CHD9: variants seen among roughly 807,000 people sequenced by gnomAD.
CHD9 encodes the protein ATP-dependent chromatin remodeler CHD9.
CHD9 carries 77 observed loss-of-function variants against 316.1 expected under a neutral mutation model. The ratio of observed to expected loss-of-function variants is 0.24; its 90% confidence interval spans 0.20 to 0.29. The LOEUF is 0.29. Ranked by LOEUF, CHD9 falls within the 10% of genes least tolerant of loss-of-function variation. The probability of loss-of-function intolerance (pLI) is 1.00; values close to 1 mark genes in which losing one functional copy is unlikely to be tolerated. For synonymous variants in CHD9, 1,129 were observed against 1,158.3 expected (o/e 0.97, Z 0.51); for missense variants, 2,763 against 3,438.1 (o/e 0.80, Z 4.91).
At chr16:53,282,279 A>G (rs2053485374) in intron 24 of CHD9, among the ~76,000 whole-genome samples, 1 of 152,102 alleles carries the variant, frequency 6.6e-6, no homozygotes, top group South Asian at 2.1e-4. Context: ...CTACCATATT[A>G]TTACTCTCCT....
rs1290082349 is a variant in CHD9 at position 53,285,493 on chromosome 16, C to T, written c.4968-103C>T. 5 of 513,740 alleles carry T rather than the reference C, an allele frequency of 9.7e-6. 1 individual carries two copies. The Admixed American group carries it at 1.2e-4, about 12-fold the overall frequency. The allele number at this position is 513,740 out of a possible 1,614,324, so 31.8% of individuals were successfully genotyped here. On this transcript the variant is annotated intron_variant, in intron 24 of 38. Transcript: ENST00000447540. Reference sequence around the variant, plus strand: ...GATTAAAAAATAATGAAATCCTAAGCTCTCTCTTGAAAGCCACAGTGCTTT... The same window carrying T: ...GATTAAAAAATAATGAAATCCTAAGTTCTCTCTTGAAAGCCACAGTGCTTT...
At chr16:53,301,371 AT>A (rs1210469257) in intron 30 of CHD9, among the ~76,000 whole-genome samples, 2 of 152,200 alleles carry the variant, frequency 1.3e-5, no homozygotes, top group Middle Eastern at 3.4e-3. Context: ...TGTCTCAGTA[AT>A]TTTTTTCACA....
intron 3 of CHD9, among the ~76,000 whole-genome samples, chr16:53,214,065 ATTAAT>A (rs1169978452): frequency 6.6e-6 from 1 of 152,218 alleles, no homozygotes; most frequent in Non-Finnish European, 1.5e-5. Flanking sequence ...ACAATAAAAC[ATTAAT>A]TTAGATCTCA....
chr16:53,324,107 A>C lies in CHD9; in HGVS notation c.7906A>C (p.Ser2636Arg). The C allele has an allele frequency of 6.2e-7, 1 of 1,613,992 alleles. No individual in the cohort carries two copies. Among genetic ancestry groups the C allele is most frequent in the Admixed American group, 1.7e-5 (1 of 60,010 alleles). ...AAGCAGGCGGGGGAGACGGCCTAAA[A>C]GTGGAATTGCAAAGGCCACAGCAGC... The part of the protein sequence containing the change: ...EVSRRGRRPK[S>R]GIAKATAAAA... The change falls in exon 39 of 39, where the codon AGT (serine) becomes CGT (arginine). Residue 2636 changes from serine (S) to arginine (R), a missense_variant. This residue lies in a region of CHD9 where 298 missense variants were observed against 380.2 expected (regional missense o/e 0.78). Coordinates refer to ENST00000447540, the MANE Select transcript of CHD9 (RefSeq NM_001308319.2).
At chr16:53,179,447 C>T (rs560368220) in intron 2 of CHD9, among the ~76,000 whole-genome samples, 1 of 152,224 alleles carries the variant, frequency 6.6e-6, no homozygotes, top group African/African-American at 2.4e-5. Flanking sequence ...AACCTCCTGT[C>T]TTATACATAT....
chr16:53,213,295 A>G (rs1407298128), intron 3 of CHD9, among the ~76,000 whole-genome samples: 1 of 152,160 alleles, frequency 6.6e-6, no homozygotes, highest in Non-Finnish European at 1.5e-5. Flanking sequence ...GCAGGTGCAA[A>G]ATGAAGGGTG....
intron 16 of CHD9, chr16:53,247,980 G>A (rs2049779050): frequency 6.6e-6 from 1 of 152,642 alleles, no homozygotes; most frequent in Admixed American, 6.6e-5. Flanking sequence ...TTTCAATGTG[G>A]GTTTTTTGTT....
intron 2 of CHD9, among the ~76,000 whole-genome samples, chr16:53,164,233 T>G (rs2042116745): frequency 6.6e-6 from 1 of 152,172 alleles, no homozygotes. Flanking sequence ...TCACAATCGT[T>G]TATCTATTAG....
chr16:53,269,046 A>G (rs1158887159), intron 22 of CHD9, among the ~76,000 whole-genome samples: 1 of 151,990 alleles, frequency 6.6e-6, no homozygotes, highest in Admixed American at 6.6e-5. Flanking sequence ...AGCTCAAGCA[A>G]TCCTTCCCCC....
chr16:53,087,179 G>T (rs1482505503), intron 1 of CHD9, among the ~76,000 whole-genome samples: 1 of 152,172 alleles, frequency 6.6e-6, no homozygotes, highest in Non-Finnish European at 1.5e-5. Flanking sequence ...CTCTCTAGAA[G>T]TAGCAGGAGG....
intron 1 of CHD9, among the ~76,000 whole-genome samples, chr16:53,146,400 A>G (rs2040583681): frequency 2.0e-5 from 1 of 49,842 alleles, no homozygotes; most frequent in African/African-American, 1.0e-4. Context: ...CAAAAAAAAA[A>G]AATTGTGTGT....
At chr16:53,158,462 G>C (rs1408836747) in intron 2 of CHD9, among the ~76,000 whole-genome samples, 1 of 152,134 alleles carries the variant, frequency 6.6e-6, no homozygotes, top group South Asian at 2.1e-4. Context: ...ACCTGGTTTA[G>C]AATTGTGGGT....
At chr16:53,259,196 G>A (rs567656034) in intron 19 of CHD9, among the ~76,000 whole-genome samples, 1 of 152,152 alleles carries the variant, frequency 6.6e-6, no homozygotes, top group South Asian at 2.1e-4. Context: ...TTGTAAATAG[G>A]TTATATATGT....
In CHD9 at chr16:53,167,103, A is replaced by G. The variant is rs1455144526; in HGVS notation, c.1452+9562A>G. ...CAGTACCCACACTATGGACAGATAC[A>G]TATTTAATAGGCCATATTATAAAAT... On this transcript the variant is annotated intron_variant, in intron 2 of 38. Transcript: ENST00000447540. 2.6e-5 allele frequency among the ~76,000 whole-genome samples: 4 copies of G among 152,202 alleles called. No individual in the cohort carries two copies. In the East Asian group the frequency reaches 7.7e-4, roughly 29 times the overall value.
chr16:53,080,769 C>T (rs917816446), intron 1 of CHD9, among the ~76,000 whole-genome samples: 1 of 152,208 alleles, frequency 6.6e-6, no homozygotes, highest in Non-Finnish European at 1.5e-5. Flanking sequence ...CTCCACCCCT[C>T]TCCCTTTCTA....
At chr16:53,286,111 A>G (rs937348611) in intron 25 of CHD9, 115 bp from the exon 26 acceptor site, 4 of 567,936 alleles carry the variant, frequency 7.0e-6, no homozygotes, top group Admixed American at 6.0e-5. Flanking sequence ...TATCATTTTA[A>G]TGTATTATCC....
chr16:53,296,384 G>A (rs1242314177), intron 29 of CHD9, among the ~76,000 whole-genome samples: 1 of 151,410 alleles, frequency 6.6e-6, no homozygotes, highest in African/African-American at 2.4e-5. Context: ...TATGTTTGGG[G>A]ACACATGTCA....
chr16:53,200,582 T>G (rs369005464), intron 2 of CHD9, among the ~76,000 whole-genome samples: 1 of 152,030 alleles, frequency 6.6e-6, no homozygotes, highest in Non-Finnish European at 1.5e-5. Context: ...AGAATTCCAA[T>G]TGAAAATGTG....
intron 24 of CHD9, among the ~76,000 whole-genome samples, chr16:53,283,456 C>G (rs2053589855): frequency 6.6e-6 from 1 of 152,136 alleles, no homozygotes; most frequent in Non-Finnish European, 1.5e-5. Context: ...ATGCTGATTG[C>G]CTTTTCCTCT....
Sources: allele counts gnomAD v4.1 joint callset (sites outside exome capture counted in the v4.1 genomes callset), GRCh38; gene constraint gnomAD v4.1.1; regional missense constraint gnomAD v4.1.1; transcripts MANE v1.5; gene names NCBI Gene and HGNC (gene_info 2026-07-23, HGNC 2026-07-21).